The following NRXN3 variants were observed in gnomAD, a reference collection of about 807,000 sequenced individuals.
NRXN3 encodes neurexin III.
NRXN3 carries 32 observed loss-of-function variants against 137.6 expected under a neutral mutation model. That is an observed-to-expected ratio of 0.23 (90% CI 0.18 to 0.31). The LOEUF is 0.31. Among genes scored for constraint, NRXN3 ranks in the 10% least tolerant of loss-of-function variants. The pLI is 1.00. For missense variants in NRXN3, 1,574 were observed against 2,062.5 expected (o/e 0.76, Z 4.59); for synonymous variants, 798 against 784.5 (o/e 1.02, Z -0.29).
chr14:78,889,029 T>C (rs1005152257), intron 10 of NRXN3, among the ~76,000 whole-genome samples: 7 of 152,014 alleles, frequency 4.6e-5, no homozygotes, highest in African/African-American at 1.7e-4. Flanking sequence ...TTATGTCAGA[T>C]GGAATCTCAT....
At chr14:78,530,458 GTTAT>G (rs1566654214) in intron 4 of NRXN3, among the ~76,000 whole-genome samples, 1 of 152,198 alleles carries the variant, frequency 6.6e-6, no homozygotes, top group African/African-American at 2.4e-5. Context: ...GCTTCTACAA[GTTAT>G]TTTTCAGGTG....
At chr14:78,732,363 A>G (rs1396949915) in intron 8 of NRXN3, among the ~76,000 whole-genome samples, 1 of 152,206 alleles carries the variant, frequency 6.6e-6, no homozygotes, top group Non-Finnish European at 1.5e-5. Flanking sequence ...CTAATTATGA[A>G]CAATAAAACA....
At chr14:78,541,546 C>T (rs544158081) in intron 4 of NRXN3, among the ~76,000 whole-genome samples, 5 of 152,280 alleles carry the variant, frequency 3.3e-5, no homozygotes, top group African/African-American at 9.6e-5. Flanking sequence ...AGCTTCCTTG[C>T]GATGGGTTCT....
At chr14:79,512,439 A>G (rs955512671) in intron 16 of NRXN3, among the ~76,000 whole-genome samples, 5 of 152,230 alleles carry the variant, frequency 3.3e-5, no homozygotes, top group African/African-American at 1.2e-4. Context: ...CAGGCATAAA[A>G]TAAGTAATCT....
At chr14:78,662,261 G>A (rs191043699) in intron 6 of NRXN3, among the ~76,000 whole-genome samples, 93 of 151,984 alleles carry the variant, frequency 6.1e-4, no homozygotes, top group Non-Finnish European at 3.5e-4. Context: ...AAAAACTAAG[G>A]CATTCAAGAT....
chr14:78,606,887 A>C (rs183200861), intron 4 of NRXN3, among the ~76,000 whole-genome samples: 1 of 152,308 alleles, frequency 6.6e-6, no homozygotes, highest in East Asian at 1.9e-4. Flanking sequence ...TAACGTATAA[A>C]CCTAAGTGTC....
At chr14:78,375,178 C>T (rs2087593015) in intron 4 of NRXN3, among the ~76,000 whole-genome samples, 1 of 152,178 alleles carries the variant, frequency 6.6e-6, no homozygotes, top group African/African-American at 2.4e-5. Flanking sequence ...GCTTAACCAC[C>T]TTCAGTGATT....
chr14:78,712,466 A>G (rs1277109354), intron 7 of NRXN3, among the ~76,000 whole-genome samples: 1 of 152,242 alleles, frequency 6.6e-6, no homozygotes, highest in Admixed American at 6.5e-5. Flanking sequence ...AGGAGGGAGT[A>G]GTGAAGCAGA....
intron 8 of NRXN3, among the ~76,000 whole-genome samples, chr14:78,789,432 G>A (rs1037313625): frequency 6.6e-6 from 1 of 152,090 alleles, no homozygotes; most frequent in African/African-American, 2.4e-5. Flanking sequence ...TATCTAGTGG[G>A]TGGAGGCCAG....
chr14:79,020,794 G>A (rs772016650), intron 15 of NRXN3, among the ~76,000 whole-genome samples: 1 of 151,028 alleles, frequency 6.6e-6, no homozygotes, highest in South Asian at 2.1e-4. Flanking sequence ...CATATTGCAG[G>A]GTTTCCTAAG....
intron 15 of NRXN3, among the ~76,000 whole-genome samples, chr14:79,391,714 A>G (rs530507807): frequency 6.6e-6 from 1 of 152,318 alleles, no homozygotes; most frequent in Non-Finnish European, 1.5e-5. Flanking sequence ...ATTAATGAGA[A>G]TTACACAGAT....
chr14:78,730,392 C>G (rs558394532), intron 8 of NRXN3, among the ~76,000 whole-genome samples: 1 of 152,014 alleles, frequency 6.6e-6, no homozygotes, highest in Non-Finnish European at 1.5e-5. Flanking sequence ...TCTTCTTTAT[C>G]CCCCCTATTC....
chr14:78,593,155 C>T (rs983074228), intron 4 of NRXN3, among the ~76,000 whole-genome samples: 4 of 152,214 alleles, frequency 2.6e-5, no homozygotes, highest in African/African-American at 9.7e-5. Flanking sequence ...GCCATTATTG[C>T]TGCTGGATAG....
chr14:79,472,563 T>C (rs1382609100), intron 16 of NRXN3, among the ~76,000 whole-genome samples: 1 of 152,232 alleles, frequency 6.6e-6, no homozygotes, highest in Non-Finnish European at 1.5e-5. Context: ...TATTGAAGTA[T>C]ATGTGCATGA....
intron 4 of NRXN3, among the ~76,000 whole-genome samples, chr14:78,572,552 C>A (rs2096899499): frequency 6.6e-6 from 1 of 152,206 alleles, no homozygotes; most frequent in African/African-American, 2.4e-5. Flanking sequence ...TCTATAGTTT[C>A]AGGGGTGTCC....
At chr14:79,134,224 G>A (rs903303376) in intron 15 of NRXN3, among the ~76,000 whole-genome samples, 3 of 152,136 alleles carry the variant, frequency 2.0e-5, no homozygotes, top group African/African-American at 7.2e-5. Flanking sequence ...TTCTCAGCAG[G>A]CAGAAAGGGT....
intron 1 of NRXN3, among the ~76,000 whole-genome samples, chr14:78,213,257 T>C (rs2062919893): frequency 7.2e-6 from 1 of 139,552 alleles, no homozygotes; most frequent in Admixed American, 7.3e-5. Flanking sequence ...TTAGTCCTCT[T>C]AGGAAGACTG....
chr14:78,899,912 T>C (rs986749387), intron 10 of NRXN3, among the ~76,000 whole-genome samples: 1 of 152,042 alleles, frequency 6.6e-6, no homozygotes, highest in Non-Finnish European at 1.5e-5. Flanking sequence ...AACGTGGAGC[T>C]TTCCTCTAAA....
intron 15 of NRXN3, among the ~76,000 whole-genome samples, chr14:79,359,984 T>G (rs542920401): frequency 7.2e-5 from 11 of 152,282 alleles, no homozygotes; most frequent in African/African-American, 2.4e-4. Flanking sequence ...ACGAAAATAC[T>G]TGGAAGGTGG....
Sources: allele counts gnomAD v4.1 joint callset (sites outside exome capture counted in the v4.1 genomes callset), GRCh38; gene constraint gnomAD v4.1.1; transcripts MANE v1.5; gene names NCBI Gene and HGNC (gene_info 2026-07-23, HGNC 2026-07-21).